Variants in SRBD1 observed in about 807,000 individuals in gnomAD.
The protein encoded by SRBD1 is S1 RNA binding domain 1.
A neutral mutation model predicts 115.3 loss-of-function variants in SRBD1; 88 were observed. The ratio of observed to expected loss-of-function variants is 0.76; its 90% CI spans 0.64 to 0.91. The LOEUF is 0.91. Ranked by LOEUF, SRBD1 falls within the 40% of genes least tolerant of loss-of-function variation. The pLI, the probability that SRBD1 is intolerant of heterozygous loss-of-function variation, is 0.00. For missense variants in SRBD1, 1,385 were observed against 1,177.4 expected, an observed-to-expected ratio of 1.18 and a Z score of -2.58; for synonymous variants, 509 against 407.7, an observed-to-expected ratio of 1.25 and a Z score of -2.99.
chr2:45,390,257 A>T (rs1294262281), intron 20 of SRBD1, among the ~76,000 whole-genome samples: 1 of 152,154 alleles, frequency 6.6e-6, no homozygotes, highest in South Asian at 2.1e-4. Context: ...TTCATCAAAC[A>T]TTTGTTAACT....
chr2:45,508,466 G>A (rs1226781957), intron 14 of SRBD1, among the ~76,000 whole-genome samples: 1 of 152,118 alleles, frequency 6.6e-6, no homozygotes, highest in African/African-American at 2.4e-5. Flanking sequence ...TAAAGGACTT[G>A]ATGTTGTCCT....
intron 14 of SRBD1, among the ~76,000 whole-genome samples, chr2:45,530,217 C>T (rs999564521): frequency 6.6e-6 from 1 of 151,968 alleles, no homozygotes; most frequent in African/African-American, 2.4e-5. Flanking sequence ...TAACTGCTAA[C>T]CTGATGACTC....
At chr2:45,521,964 T>TCTCCCAA (rs1671298224) in intron 14 of SRBD1, among the ~76,000 whole-genome samples, 1 of 144,262 alleles carries the variant, frequency 6.9e-6, no homozygotes, top group South Asian at 2.2e-4. Flanking sequence ...CAACATCCTA[T>TCTCCCAA]CTCCCAAAAA....
chr2:45,559,144 G>A (rs960235295), intron 10 of SRBD1, among the ~76,000 whole-genome samples: 1 of 152,076 alleles, frequency 6.6e-6, no homozygotes, highest in African/African-American at 2.4e-5. Context: ...CCTAGTCTAA[G>A]CTACCATAAT....
chr2:45,561,359 T>C (rs1672659565), intron 10 of SRBD1, among the ~76,000 whole-genome samples: 1 of 152,240 alleles, frequency 6.6e-6, no homozygotes, highest in African/African-American at 2.4e-5. Context: ...TTTAGACTGT[T>C]GTTTTACTTA....
intron 14 of SRBD1, among the ~76,000 whole-genome samples, chr2:45,538,909 C>CT (rs1558463377): frequency 1.3e-5 from 2 of 151,710 alleles, no homozygotes; most frequent in East Asian, 3.9e-4. Context: ...CTTAAGCATC[C>CT]TTTAAAAAAA....
chr2:45,586,438 T>C (rs1380592935), intron 4 of SRBD1, among the ~76,000 whole-genome samples: 1 of 152,204 alleles, frequency 6.6e-6, no homozygotes, highest in Admixed American at 6.5e-5. Flanking sequence ...GATCTGGAAA[T>C]AAAAAGGTAA....
chr2:45,445,173 T>C (rs554585988), intron 16 of SRBD1, among the ~76,000 whole-genome samples: 2 of 152,326 alleles, frequency 1.3e-5, no homozygotes, highest in South Asian at 4.1e-4. Flanking sequence ...ATAAACGGAA[T>C]GTGCCTTGGC....
intron 19 of SRBD1, among the ~76,000 whole-genome samples, chr2:45,399,584 A>G (rs985509623): frequency 1.1e-4 from 16 of 152,160 alleles, no homozygotes; most frequent in African/African-American, 2.7e-4. Context: ...GGTAAAAGTT[A>G]TAACAGATTA....
intron 19 of SRBD1, among the ~76,000 whole-genome samples, chr2:45,404,063 G>A (rs1667360927): frequency 6.6e-6 from 1 of 152,224 alleles, no homozygotes; most frequent in Non-Finnish European, 1.5e-5. Context: ...CATAACAGAG[G>A]TAAGAAATTA....
intron 16 of SRBD1, among the ~76,000 whole-genome samples, chr2:45,460,327 C>T (rs888474872): frequency 1.3e-5 from 2 of 152,122 alleles, no homozygotes; most frequent in African/African-American, 2.4e-5. Context: ...GGTTTCAAAT[C>T]GTAAAAGAGG....
intron 14 of SRBD1, among the ~76,000 whole-genome samples, chr2:45,507,820 T>C (rs1223984858): frequency 6.6e-6 from 1 of 152,192 alleles, no homozygotes; most frequent in East Asian, 1.9e-4. Flanking sequence ...AAATCTCTTT[T>C]GATATCCCTG....
intron 19 of SRBD1, among the ~76,000 whole-genome samples, chr2:45,398,369 A>C (rs1379693167): frequency 6.6e-6 from 1 of 152,148 alleles, no homozygotes; most frequent in African/African-American, 2.4e-5. Context: ...GTAGAAGAAA[A>C]AAAAAAGAAA....
chr2:45,396,225 G>T (rs572639811), intron 19 of SRBD1, among the ~76,000 whole-genome samples: 69 of 152,222 alleles, frequency 4.5e-4, no homozygotes, highest in African/African-American at 1.6e-3. Flanking sequence ...ATATGTCTGT[G>T]TATAACAAGA....
intron 16 of SRBD1, among the ~76,000 whole-genome samples, chr2:45,457,493 T>C (rs1206431405): frequency 6.6e-6 from 1 of 152,002 alleles, no homozygotes; most frequent in African/African-American, 2.4e-5. Flanking sequence ...CACCACTTCC[T>C]ACCTGCTCCA....
intron 14 of SRBD1, among the ~76,000 whole-genome samples, chr2:45,509,456 C>G (rs978330533): frequency 6.6e-6 from 1 of 151,966 alleles, no homozygotes; most frequent in Non-Finnish European, 1.5e-5. Context: ...ATTAGCCGGG[C>G]GCGGTGGTGG....
At chr2:45,578,197 T>C (rs1398284841) in intron 7 of SRBD1, among the ~76,000 whole-genome samples, 2 of 152,246 alleles carry the variant, frequency 1.3e-5, no homozygotes, top group African/African-American at 4.8e-5. Flanking sequence ...TAAGCCTTTG[T>C]GCATCTAACA....
In SRBD1 at chr2:45,518,964, TAA is replaced by T. The variant is rs11362482; in HGVS notation, c.1874+27766_1874+27767del. 9.0e-3 allele frequency among the ~76,000 whole-genome samples: 1,002 copies of T among 111,110 alleles called. 11 individuals are homozygous for T. Among genetic ancestry groups the T allele is most frequent in the African/African-American group, 0.028 (904 of 32,838 alleles). 72.9% of individuals were successfully genotyped at this position (111,110 alleles called of 152,430 possible). On this transcript the variant is annotated intron_variant, in intron 14 of 20. Coordinates refer to ENST00000263736, the MANE Select transcript of SRBD1 (RefSeq NM_018079.5). ...GTGAGCTCCTAAGAACGAATAAGGC[TAA>T]AAAAAAAAAAAAAAAATCTCACCAT...
At chr2:45,540,016 C>A (rs1430016671) in intron 14 of SRBD1, among the ~76,000 whole-genome samples, 1 of 151,998 alleles carries the variant, frequency 6.6e-6, no homozygotes, top group African/African-American at 2.4e-5. Context: ...TTGAAAAACA[C>A]AGAACTTCTA....
Sources: gnomAD v4.1 joint callset for allele counts (sites outside exome capture counted in the v4.1 genomes callset) on GRCh38, gnomAD v4.1.1 for gene constraint, MANE v1.5 for transcripts, NCBI Gene and HGNC (gene_info 2026-07-23, HGNC 2026-07-21) for gene names.